Variants in ESRP2 observed in about 807,000 individuals in gnomAD.
ESRP2 encodes the protein RNA binding motif protein 35A.
A neutral mutation model predicts 78.6 loss-of-function variants in ESRP2; 48 were observed. The observed-to-expected ratio is 0.61, with a 90% CI of 0.48 to 0.78. The LOEUF is 0.78. Among genes scored for constraint, ESRP2 ranks in the 30% least tolerant of loss-of-function variants. The pLI, the probability that ESRP2 is intolerant of heterozygous loss-of-function variation, is 0.00. For missense variants in ESRP2, 863 were observed against 965.9 expected (o/e 0.89, Z 1.41); for synonymous variants, 383 against 406.7 (o/e 0.94, Z 0.70).
chr16:68,234,348 C>A, intron 2 of ESRP2: 1 of 524,212 alleles, frequency 1.9e-6, no homozygotes, highest in Non-Finnish European at 3.4e-6. Flanking sequence ...TCACATATAA[C>A]CGAAGCCCTC....
At chr16:68,234,818 C>G (rs2042200472) in intron 2 of ESRP2, 1 of 152,404 alleles carries the variant, frequency 6.6e-6, no homozygotes, top group Non-Finnish European at 1.5e-5. Context: ...CAACCCAGCT[C>G]TCCTCCAGCA....
chr16:68,233,376 T>G lies in ESRP2; in HGVS notation c.606A>C (p.Glu202Asp), dbSNP rs1348803949. Reference protein sequence around the residue: ...DATEDDFGVWEVKTMVAVILH... With the variant: ...DATEDDFGVWDVKTMVAVILH... ...GGATAACAGCTACCATTGTCTTGAC[T>G]TCCCAGACCCCAAAGTCATCCTCTG... Residue 202 changes from glutamate to aspartate, a missense_variant, in exon 5 of 15, where the codon GAA (glutamate) becomes GAC (aspartate). Physicochemically the swap from Glu to Asp is conservative, Grantham distance 45 (BLOSUM62 2). Transcript: ENST00000473183. 5.0e-6 allele frequency: 8 copies of G among 1,614,144 alleles called. No homozygotes were observed. The highest frequency in any genetic ancestry group is 4.2e-6 in the Non-Finnish European group (5 of 1,180,000).
At position 68,232,633 on chromosome 16, in the gene ESRP2, C is replaced by T. The variant is rs374891954; in HGVS notation, c.765G>A (p.Pro255=). The T allele has an allele frequency of 1.0e-4, 162 of 1,614,188 alleles. No homozygotes were observed. The Admixed American group carries it at 1.5e-3, about 15-fold the overall frequency. Residue 255 remains proline, a synonymous_variant, in exon 7 of 15, where the codon CCG becomes CCA. Coordinates refer to ENST00000473183, the MANE Select transcript of ESRP2 (RefSeq NM_024939.3). The surrounding 1 kb of genome is among the most constrained non-coding windows in gnomAD (Gnocchi z 5.2). ...SETVVRARGL[P]WQSSDQDVAR... The stretch of plus-strand genomic sequence containing the variant: ...CCACGTCCTGGTCTGATGACTGCCA[C>T]GGCAACCCACGAGCCCGTACCACAG...
rs2042106985 is a variant in ESRP2, at chr16:68,230,200, T to C, written c.*26A>G. ...AGACATGTTCGCCGAGGATATCAGC[T>C]GGCTCTTACCTCCTGGCTTTCTCTC... On this transcript the variant is annotated 3_prime_UTR_variant, in exon 15 of 15. Transcript: ENST00000473183. 1.2e-6 allele frequency: 2 copies of C among 1,606,794 alleles called. No homozygotes were observed. Among genetic ancestry groups the C allele is most frequent in the Non-Finnish European group, 1.7e-6 (2 of 1,173,436 alleles).
At position 68,232,099 on chromosome 16, in the gene ESRP2, T is replaced by G; in HGVS notation, c.1002A>C (p.Thr334=). 1 of 1,612,536 alleles carries G rather than the reference T, an allele frequency of 6.2e-7. No individual in the cohort carries two copies. The highest frequency in any genetic ancestry group is 8.5e-7 in the Non-Finnish European group (1 of 1,178,950). The stretch of plus-strand genomic sequence containing the variant: ...ACAAGAAACGAGCCACCTCTAGTGA[T>G]GTGCCTGTGTATGAGAGTCGCCTGC... ...GEEFVKIAGG[T]SLEVARFLSR... The change falls in exon 10 of 15, where the codon ACA becomes ACC. Residue 334 remains threonine, a synonymous_variant. Transcript: ENST00000473183. The surrounding 1 kb of genome is among the most constrained non-coding windows in gnomAD (Gnocchi z 5.2).
Position 68,231,361 on chromosome 16 carries a change from C to A in ESRP2, c.1528G>T (p.Asp510Tyr). ...VLNQQGRPSGDAFIQMTSAER... is the reference protein window; with the variant it reads ...VLNQQGRPSGYAFIQMTSAER... ...GCTGATGTCATCTGAATGAAGGCAT[C>A]GCCCGATGGCCGGCCCTGTGCACAC... Residue 510 changes from aspartate (D) to tyrosine (Y), a missense_variant, in exon 12 of 15, where the codon GAT (aspartate) becomes TAT (tyrosine). Asp to Tyr is a radical substitution (Grantham distance 160, BLOSUM62 -3). Transcript: ENST00000473183. This position sits in a 1 kb window ranked among gnomAD's most constrained non-coding sequence, Gnocchi z 6.0. 1 of 1,614,126 alleles carries A rather than the reference C, an allele frequency of 6.2e-7. No homozygotes were observed. The highest frequency in any genetic ancestry group is 8.5e-7 in the Non-Finnish European group (1 of 1,179,992).
Position 68,235,905 on chromosome 16 carries a change from C to A in ESRP2, c.141G>T (p.Ser47=). 6.2e-7 allele frequency: 1 copy of A among 1,610,264 alleles called. No individual in the cohort carries two copies. Among genetic ancestry groups the A allele is most frequent in the South Asian group, 1.1e-5 (1 of 90,790 alleles). ...CTAGGAGGATTAAGTCGGTCTCGTC[C>A]GAGCCCAGGTCCCGTCCCAGCGCAC... is the stretch of plus-strand genomic sequence containing the variant. ...TAGALGRDLG[S]DETDLILLVW... The change falls in exon 1 of 15, where the codon TCG becomes TCT. Residue 47 remains serine, a synonymous_variant. Coordinates refer to ENST00000473183, the MANE Select transcript of ESRP2 (RefSeq NM_024939.3). This position sits in a 1 kb window ranked among gnomAD's most constrained non-coding sequence, Gnocchi z 5.5.
Position 68,235,533 on chromosome 16 carries a change from G to T in ESRP2, c.327+101C>A. ...AACAAGAGCCCAGTCCTGCCGCCTG[G>T]ACCGGTTGGTTGCGGCACGCCAGGC... On this transcript the variant is annotated intron_variant, in intron 2 of 14. Coordinates refer to ENST00000473183, the MANE Select transcript of ESRP2 (RefSeq NM_024939.3). This position sits in a 1 kb window ranked among gnomAD's most constrained non-coding sequence, Gnocchi z 5.5. 6.6e-7 allele frequency: 1 copy of T among 1,516,212 alleles called. No homozygotes were observed. The highest frequency in any genetic ancestry group is 8.8e-7 in the Non-Finnish European group (1 of 1,140,608). The allele number at this position is 1,516,212 out of a possible 1,614,324, so 93.9% of individuals were successfully genotyped here.
Position 68,233,377 on chromosome 16 carries a change from TC to T in ESRP2, c.604del (p.Glu202LysfsTer6). ...GATAACAGCTACCATTGTCTTGACT[TC>T]CCAGACCCCAAAGTCATCCTCTGTG... Reference protein sequence around the residue: ...DATEDDFGVWEVKTMVAVILH... With the variant: ...DATEDDFGVWXVKTMVAVILH... On this transcript the variant is annotated frameshift_variant, in exon 5 of 15. Coordinates refer to ENST00000473183, the MANE Select transcript of ESRP2 (RefSeq NM_024939.3). LOFTEE classifies it high-confidence loss of function. 6.2e-7 allele frequency: 1 copy of T among 1,614,102 alleles called. No homozygotes were observed. Among genetic ancestry groups the T allele is most frequent in the Non-Finnish European group, 8.5e-7 (1 of 1,179,994 alleles).
chr16:68,235,419 G>A lies in ESRP2; in HGVS notation c.327+215C>T, dbSNP rs2042210925. 1.0e-6 allele frequency: 1 copy of A among 985,366 alleles called. No individual in the cohort carries two copies. Among genetic ancestry groups the A allele is most frequent in the African/African-American group, 1.7e-5 (1 of 57,260 alleles). 61.0% of individuals were successfully genotyped at this position (985,366 alleles called of 1,614,324 possible). A position where few individuals can be genotyped will look rare whatever the true frequency, so the allele number is the denominator to read the frequency against. ...ATCCCTTCGGTAGGAGTAGGTTCCT[G>A]CAATGGTTGAAAAGTAAGGAGCCCA... On this transcript the variant is annotated intron_variant, in intron 2 of 14. Transcript: ENST00000473183. This position sits in a 1 kb window ranked among gnomAD's most constrained non-coding sequence, Gnocchi z 5.5.
In ESRP2 at chr16:68,235,551, C is replaced by G. The variant is rs902508729; in HGVS notation, c.327+83G>C. On this transcript the variant is annotated intron_variant, in intron 2 of 14. Coordinates refer to ENST00000473183, the MANE Select transcript of ESRP2 (RefSeq NM_024939.3). The surrounding 1 kb of genome is among the most constrained non-coding windows in gnomAD (Gnocchi z 5.5). Reference sequence around the variant, plus strand: ...CCGCCTGGACCGGTTGGTTGCGGCACGCCAGGCCTAGCCTCCGGCCGCCAA... The same window carrying G: ...CCGCCTGGACCGGTTGGTTGCGGCAGGCCAGGCCTAGCCTCCGGCCGCCAA... The G allele has an allele frequency of 6.4e-7, 1 of 1,554,608 alleles. No homozygotes were observed. Among genetic ancestry groups the G allele is most frequent in the Admixed American group, 1.8e-5 (1 of 54,638 alleles).
rs2042103800 is a variant in ESRP2 at position 68,229,938 on chromosome 16, A to G, written c.*288T>C. ...TGTCGGCATGGGCCACAGCCAGGAC[A>G]GACTTAAGGGCTCTCCAGGTGCCAG... On this transcript the variant is annotated 3_prime_UTR_variant, in exon 15 of 15. Coordinates refer to ENST00000473183, the MANE Select transcript of ESRP2 (RefSeq NM_024939.3). 2.1e-6 allele frequency: 1 copy of G among 466,476 alleles called. No homozygotes were observed. Among genetic ancestry groups the G allele is most frequent in the Non-Finnish European group, 3.9e-6 (1 of 254,988 alleles). 28.9% of individuals were successfully genotyped at this position (466,476 alleles called of 1,614,324 possible). A position where few individuals can be genotyped will look rare whatever the true frequency, so the allele number is the denominator to read the frequency against.
At position 68,234,053 on chromosome 16, in the gene ESRP2, G is replaced by A. The variant is rs758188895; in HGVS notation, c.382C>T (p.Leu128Phe). ...AATAGCTGCTGCCCATCAGTGCAGA[G>A]CATGTAGGGGCCCCCGCCCAGCAAA... ...VALLGGGPYM[L>F]CTDGQQLLRQ... The change falls in exon 3 of 15, where the codon CTC becomes TTC. Residue 128 changes from leucine (L) to phenylalanine (F), a missense_variant. By Grantham distance (22) the Leu-to-Phe change is conservative (BLOSUM62 0). Transcript: ENST00000473183. 3.7e-6 allele frequency: 6 copies of A among 1,613,890 alleles called. No individual in the cohort carries two copies. In the African/African-American group the frequency reaches 8.0e-5, roughly 22 times the overall value.
Position 68,230,025 on chromosome 16 carries a change from T to G in ESRP2, c.*201A>C. ...GCCCCATTCCACCCCCAGCCCTGCA[T>G]GCAGGGTCCAGCCATTGTCTTTGGG... On this transcript the variant is annotated 3_prime_UTR_variant, in exon 15 of 15. Transcript: ENST00000473183. The G allele has an allele frequency of 1.7e-6, 1 of 604,576 alleles. No individual in the cohort carries two copies. The highest frequency in any genetic ancestry group is 2.9e-6 in the Non-Finnish European group (1 of 340,688). 37.5% of individuals were successfully genotyped at this position (604,576 alleles called of 1,614,324 possible).
Position 68,235,976 on chromosome 16 carries a change from AGGGGTCCGCGGC to A in ESRP2, c.58_69del (p.Ala20_Pro23del), listed in dbSNP as rs2042222640. On this transcript the variant is annotated inframe_deletion, in exon 1 of 15. Transcript: ENST00000473183. This position sits in a 1 kb window ranked among gnomAD's most constrained non-coding sequence, Gnocchi z 5.5. ...ACGACCAGTGATCCGGGCCAGGGGC[AGGGGTCCGCGGC>A]GGGGTCGGCCGCGGGGTCAGGGCCC... 6.3e-7 allele frequency: 1 copy of A among 1,598,804 alleles called. No individual in the cohort carries two copies. The highest frequency in any genetic ancestry group is 8.5e-7 in the Non-Finnish European group (1 of 1,174,494).
rs2042166060 is a variant in ESRP2 at position 68,232,937 on chromosome 16, G to A, written c.656-122C>T. The A allele has an allele frequency of 5.8e-6, 8 of 1,388,608 alleles. No homozygotes were observed. In the South Asian group the frequency reaches 8.4e-5, roughly 15 times the overall value. 86.0% of individuals were successfully genotyped at this position (1,388,608 alleles called of 1,614,324 possible). ...TGACAGGCCGAGCACAGTGGCTCAC[G>A]CCTATAATCCCAGCACTTTGGGAGG... On this transcript the variant is annotated intron_variant, in intron 5 of 14. Transcript: ENST00000473183. This position sits in a 1 kb window ranked among gnomAD's most constrained non-coding sequence, Gnocchi z 5.2.
chr16:68,231,386 C>G lies in ESRP2; in HGVS notation c.1513-10G>C, dbSNP rs111474181. On this transcript the variant is annotated splice_polypyrimidine_tract_variant and intron_variant, in intron 11 of 14. Transcript: ENST00000473183. This position sits in a 1 kb window ranked among gnomAD's most constrained non-coding sequence, Gnocchi z 6.0. ...CGCCCGATGGCCGGCCCTGTGCACA[C>G]CATCTTGTGAGCAGTTTGTCATGTG... 3 of 1,614,078 alleles carry G rather than the reference C, an allele frequency of 1.9e-6. No individual in the cohort carries two copies. The highest frequency in any genetic ancestry group is 1.7e-4 in the Middle Eastern group (1 of 6,060).
rs1009161101 is a variant in ESRP2, at chr16:68,235,939, G to A, written c.107C>T (p.Ala36Val). Residue 36 changes from alanine to valine, a missense_variant, in exon 1 of 15, where the codon GCT (alanine) becomes GTT (valine). By Grantham distance (64) the Ala-to-Val change is moderately conservative. Transcript: ENST00000473183. This position sits in a 1 kb window ranked among gnomAD's most constrained non-coding sequence, Gnocchi z 5.5. ...GTCCCGTCCCAGCGCACCCGCCGTA[G>A]CCCCGAAGAGGACGACCAGTGATCC... ...WPGSLVVLFG[A>V]TAGALGRDLG... 9 of 1,611,428 alleles carry A rather than the reference G, an allele frequency of 5.6e-6. No homozygotes were observed. In the Admixed American group the frequency reaches 1.3e-4, roughly 24 times the overall value.
At chr16:68,230,796 T>A (rs768819927) in intron 13 of ESRP2, 45 bp downstream of exon 13, 2 of 1,608,804 alleles carry the variant, frequency 1.2e-6, no homozygotes, top group South Asian at 2.2e-5. Context: ...TTCCCCAGAT[T>A]GGGACAGGGA....
Sources: allele counts gnomAD v4.1 joint callset, GRCh38; gene constraint gnomAD v4.1.1; non-coding constraint Gnocchi (gnomAD v3.1); transcripts MANE v1.5; gene names NCBI Gene and HGNC (gene_info 2026-07-23, HGNC 2026-07-21).